Variants in MRPL27 observed in about 807,000 individuals in gnomAD.
The protein encoded by MRPL27 is large ribosomal subunit protein bL27m.
A neutral mutation model predicts 14.6 loss-of-function variants in MRPL27; 4 were observed. The ratio of observed to expected loss-of-function variants is 0.27; its 90% CI spans 0.14 to 0.63. MRPL27 has a LOEUF of 0.63. Ranked by LOEUF, MRPL27 falls within the 20% of genes least tolerant of loss-of-function variation. The pLI is 0.85. For synonymous variants in MRPL27, 82 were observed against 75.5 expected (o/e 1.09, Z -0.45); for missense variants, 196 against 192.8 (o/e 1.02, Z -0.10).
intron 1 of MRPL27, 61 bp downstream of exon 1, chr17:50,373,070 C>G: frequency 6.2e-7 from 1 of 1,609,774 alleles, no homozygotes; most frequent in Non-Finnish European, 8.5e-7. Flanking sequence ...TCCTTCCCTC[C>G]CTGCTGGAGC....
At chr17:50,371,409 C>T (rs1278474831) in intron 1 of MRPL27, among the ~76,000 whole-genome samples, 1 of 152,212 alleles carries the variant, frequency 6.6e-6, no homozygotes, top group East Asian at 1.9e-4. Flanking sequence ...AAGCAGAGGT[C>T]CAACCATGAC....
At chr17:50,370,432 G>T (rs1913095398) in intron 2 of MRPL27, 23 bp downstream of exon 2, 1 of 1,613,842 alleles carries the variant, frequency 6.2e-7, no homozygotes. Flanking sequence ...AGCTAGGAAG[G>T]GGAAGCCAAG....
In MRPL27 at chr17:50,370,066, G is replaced by T. The variant is rs143654128; in HGVS notation, c.206C>A (p.Thr69Lys). The T allele has an allele frequency of 2.0e-4, 327 of 1,613,790 alleles. No individual in the cohort carries two copies. The African/African-American group carries it at 2.4e-3, about 12-fold the overall frequency. The part of the protein sequence containing the change: ...HYVHAGNIIA[T>K]QRHFRWHPGA... ...TGGGTGCCAGCGGAAATGGCGCTGT[G>T]TTGCAATGATGTTCCCAGCATGAAC... Residue 69 changes from threonine to lysine, a missense_variant, in exon 3 of 4, where the codon ACA becomes AAA. Physicochemically the swap from Thr to Lys is moderately conservative, Grantham distance 78 (BLOSUM62 -1). Coordinates refer to ENST00000225969, the MANE Select transcript of MRPL27 (RefSeq NM_016504.3).
chr17:50,368,375 C>A, intron 3 of MRPL27, 77 bp from the exon 4 acceptor site: 1 of 1,469,822 alleles, frequency 6.8e-7, no homozygotes, highest in South Asian at 1.2e-5. Flanking sequence ...ACAGACTTCT[C>A]ACACAGAGCC....
In MRPL27 at chr17:50,370,062, C is replaced by G. The variant is rs780331484; in HGVS notation, c.210G>C (p.Gln70His). 1.2e-5 allele frequency: 20 copies of G among 1,613,810 alleles called. No individual in the cohort carries two copies. The South Asian group carries it at 2.0e-4, about 16-fold the overall frequency. The change falls in exon 3 of 4, where the codon CAG (glutamine) becomes CAC (histidine). Residue 70 changes from glutamine to histidine, a missense_variant. Gln to His is a conservative substitution (Grantham distance 24). Coordinates refer to ENST00000225969, the MANE Select transcript of MRPL27 (RefSeq NM_016504.3). Reference protein sequence around the residue: ...YVHAGNIIATQRHFRWHPGAH... With the variant: ...YVHAGNIIATHRHFRWHPGAH... ...CACCTGGGTGCCAGCGGAAATGGCG[C>G]TGTGTTGCAATGATGTTCCCAGCAT...
rs1332482924 is a variant in MRPL27 at position 50,368,016 on chromosome 17, C to G, written c.*76G>C. 1 of 1,546,564 alleles carries G rather than the reference C, an allele frequency of 6.5e-7. No individual in the cohort carries two copies. Among genetic ancestry groups the G allele is most frequent in the Non-Finnish European group, 8.9e-7 (1 of 1,128,402 alleles). ...CTTCCTCGGGAGGCCGTGTCGCCAC[C>G]CCAACCCTTGACTTCTGGTATCACC... is the stretch of plus-strand genomic sequence containing the variant. On this transcript the variant is annotated 3_prime_UTR_variant, in exon 4 of 4. Transcript: ENST00000225969.
chr17:50,373,054 G>A (rs1233559113), intron 1 of MRPL27, 77 bp downstream of exon 1: 2 of 1,596,876 alleles, frequency 1.3e-6, no homozygotes, highest in Non-Finnish European at 1.7e-6. Flanking sequence ...GGGGATCAGT[G>A]TCACCTCCTT....
intron 1 of MRPL27, chr17:50,372,733 C>CA (rs1333865065): frequency 4.1e-6 from 1 of 246,052 alleles, no homozygotes; most frequent in African/African-American, 2.3e-5. Context: ...GCCAAGTCTT[C>CA]ACGTTTTCTG....
intron 1 of MRPL27, among the ~76,000 whole-genome samples, chr17:50,372,255 T>TTGG (rs1491336012): frequency 5.8e-5 from 7 of 120,538 alleles, no homozygotes; most frequent in African/African-American, 2.1e-4. Context: ...CTTTTTTTTT[T>TTGG]GGGGGGGGGG....
In MRPL27 at chr17:50,368,005, C is replaced by G; in HGVS notation, c.*87G>C. ...CAAGCAGACCTCTTCCTCGGGAGGCCGTGTCGCCACCCCAACCCTTGACTT... is the reference window on the plus strand; with the variant it reads ...CAAGCAGACCTCTTCCTCGGGAGGCGGTGTCGCCACCCCAACCCTTGACTT... On this transcript the variant is annotated 3_prime_UTR_variant, in exon 4 of 4. Coordinates refer to ENST00000225969, the MANE Select transcript of MRPL27 (RefSeq NM_016504.3). 1 of 1,426,728 alleles carries G rather than the reference C, an allele frequency of 7.0e-7. No homozygotes were observed. The highest frequency in any genetic ancestry group is 9.7e-7 in the Non-Finnish European group (1 of 1,029,110). The allele number at this position is 1,426,728 out of a possible 1,614,324, so 88.4% of individuals were successfully genotyped here. A position where few individuals can be genotyped will look rare whatever the true frequency, so the allele number is the denominator to read the frequency against.
intron 3 of MRPL27, 197 bp downstream of exon 3, chr17:50,369,835 C>T: frequency 1.5e-6 from 1 of 676,638 alleles, no homozygotes; most frequent in South Asian, 1.8e-5. Flanking sequence ...CTCCTTCCAC[C>T]CCGTCTAGGT....
At chr17:50,369,763 C>T in intron 3 of MRPL27, 1 of 508,456 alleles carries the variant, frequency 2.0e-6, no homozygotes, top group Non-Finnish European at 3.4e-6. Flanking sequence ...AATGCAACAC[C>T]AGGGCAAATC....
intron 3 of MRPL27, 31 bp from the exon 4 acceptor site, chr17:50,368,329 GC>G (rs754771906): frequency 4.2e-5 from 67 of 1,606,754 alleles, no homozygotes; most frequent in Middle Eastern, 1.7e-4. Context: ...CAGCTGGTCA[GC>G]TGGTCAGCGA....
intron 3 of MRPL27, chr17:50,368,745 G>T: frequency 1.5e-6 from 1 of 659,658 alleles, no homozygotes; most frequent in South Asian, 1.7e-5. Flanking sequence ...AAAGCTATAT[G>T]GATAATGCAT....
intron 3 of MRPL27, chr17:50,368,914 T>C: frequency 1.4e-6 from 1 of 696,194 alleles, no homozygotes; most frequent in Middle Eastern, 2.3e-4. Context: ...CTGTGTTGTA[T>C]ATACAGTTTT....
At chr17:50,372,981 G>T in intron 1 of MRPL27, 150 bp downstream of exon 1, 1 of 1,101,894 alleles carries the variant, frequency 9.1e-7, no homozygotes, top group Non-Finnish European at 1.3e-6. Context: ...CACGTGACCA[G>T]CGACACCGTC....
rs755269248 is a variant in MRPL27, at chr17:50,370,143, C to A, written c.173-44G>T. 5.1e-6 allele frequency: 8 copies of A among 1,559,692 alleles called. No individual in the cohort carries two copies. The South Asian group carries it at 5.8e-5, about 11-fold the overall frequency. On this transcript the variant is annotated intron_variant, in intron 2 of 3. Transcript: ENST00000225969. Reference sequence around the variant, plus strand: ...GTGACTGGGGCAGCATAGCAAACTACCAAGAAAACATGATGGCCCAAATGC... The same window carrying A: ...GTGACTGGGGCAGCATAGCAAACTAACAAGAAAACATGATGGCCCAAATGC...
At chr17:50,372,786 G>T in intron 1 of MRPL27, 4 of 346,994 alleles carry the variant, frequency 1.2e-5, no homozygotes, top group Non-Finnish European at 2.1e-5. Flanking sequence ...CACAAAGTAA[G>T]ACCTCAATCT....
intron 3 of MRPL27, chr17:50,368,899 T>C (rs1214050364): frequency 2.8e-6 from 2 of 701,858 alleles, no homozygotes; most frequent in African/African-American, 3.5e-5. Flanking sequence ...AGCAGAGAGA[T>C]TAAACTGTGT....
Sources: gnomAD v4.1 joint callset for allele counts (sites outside exome capture counted in the v4.1 genomes callset) on GRCh38, gnomAD v4.1.1 for gene constraint, MANE v1.5 for transcripts, NCBI Gene and HGNC (gene_info 2026-07-23, HGNC 2026-07-21) for gene names.